WDR70: variants seen among roughly 807,000 people sequenced by gnomAD.
WDR70 encodes WD repeat domain 70, also known as WD repeat-containing protein 70.
A neutral mutation model predicts 88.6 loss-of-function variants in WDR70; 53 were observed. That is an observed-to-expected ratio of 0.60 (90% CI 0.48 to 0.75). The LOEUF (loss-of-function observed/expected upper bound fraction) is 0.75. WDR70 is among the 30% of genes least tolerant of loss of function. The pLI is 0.00. For missense variants in WDR70, 610 were observed against 823.2 expected (o/e 0.74, Z 3.17); for synonymous variants, 280 against 270.0 (o/e 1.04, Z -0.36).
At chr5:37,677,310 C>A (rs1170284136) in intron 10 of WDR70, among the ~76,000 whole-genome samples, 1 of 151,904 alleles carries the variant, frequency 6.6e-6, no homozygotes, top group Non-Finnish European at 1.5e-5. Context: ...TTTTCTAGTT[C>A]TTTTAATTGT....
chr5:37,540,811 A>C (rs1481352592), intron 9 of WDR70, among the ~76,000 whole-genome samples: 2 of 152,244 alleles, frequency 1.3e-5, no homozygotes, highest in Non-Finnish European at 2.9e-5. Context: ...CTTGCAGTAG[A>C]AATGTGTTTC....
chr5:37,513,265 A>C (rs1015841365), intron 8 of WDR70, among the ~76,000 whole-genome samples: 3 of 152,210 alleles, frequency 2.0e-5, no homozygotes, highest in African/African-American at 7.2e-5. Flanking sequence ...TACATAGAGG[A>C]CCAGGGAATA....
At chr5:37,559,559 T>C (rs543974772) in intron 9 of WDR70, among the ~76,000 whole-genome samples, 47 of 152,236 alleles carry the variant, frequency 3.1e-4, no homozygotes, top group African/African-American at 1.1e-3. Context: ...ATAAAGCTTT[T>C]TGAGGCCGGG....
intron 8 of WDR70, among the ~76,000 whole-genome samples, chr5:37,481,124 A>G (rs1474056384): frequency 6.6e-6 from 1 of 152,168 alleles, no homozygotes; most frequent in Non-Finnish European, 1.5e-5. Flanking sequence ...TTTGCAGGGT[A>G]CAGCCCCCCT....
chr5:37,651,929 T>A (rs1745420239), intron 10 of WDR70, among the ~76,000 whole-genome samples: 1 of 152,248 alleles, frequency 6.6e-6, no homozygotes, highest in Non-Finnish European at 1.5e-5. Context: ...TCTGATGATG[T>A]TTCTTTTGCT....
chr5:37,698,040 T>C, intron 11 of WDR70: 1 of 277,100 alleles, frequency 3.6e-6, no homozygotes, highest in South Asian at 5.1e-5. Flanking sequence ...TCCTTGCTTC[T>C]GCCTTGGGAA....
intron 10 of WDR70, among the ~76,000 whole-genome samples, chr5:37,665,899 C>A (rs2112583729): frequency 6.6e-6 from 1 of 152,328 alleles, no homozygotes; most frequent in South Asian, 2.1e-4. Context: ...GGCCCGCCAC[C>A]CTCTCCTCTG....
At chr5:37,714,456 A>G (rs1381092976) in intron 13 of WDR70, among the ~76,000 whole-genome samples, 5 of 152,286 alleles carry the variant, frequency 3.3e-5, no homozygotes, top group Admixed American at 2.6e-4. Context: ...GCCTTCTCAC[A>G]ACCTGGTCTC....
At chr5:37,670,749 A>G (rs913368040) in intron 10 of WDR70, among the ~76,000 whole-genome samples, 3 of 152,228 alleles carry the variant, frequency 2.0e-5, no homozygotes, top group African/African-American at 4.8e-5. Flanking sequence ...TTCATATAGT[A>G]TATTAATTTG....
intron 8 of WDR70, among the ~76,000 whole-genome samples, chr5:37,488,995 C>A (rs143903431): frequency 6.6e-6 from 1 of 152,150 alleles, no homozygotes; most frequent in East Asian, 1.9e-4. Context: ...TTAGGTAGGG[C>A]GCTTCAGCAT....
At chr5:37,459,135 C>T (rs1345786768) in intron 7 of WDR70, among the ~76,000 whole-genome samples, 7 of 62,596 alleles carry the variant, frequency 1.1e-4, no homozygotes, top group African/African-American at 3.4e-4. Context: ...AGTTGAGCGG[C>T]TTTGAGTGAG....
At chr5:37,614,850 A>G (rs1402648254) in intron 10 of WDR70, among the ~76,000 whole-genome samples, 4 of 152,208 alleles carry the variant, frequency 2.6e-5, no homozygotes, top group Non-Finnish European at 4.4e-5. Flanking sequence ...ACAGAAACTT[A>G]TACTAAACAG....
chr5:37,446,760 C>G (rs1209668791), intron 7 of WDR70, among the ~76,000 whole-genome samples: 2 of 152,126 alleles, frequency 1.3e-5, no homozygotes, highest in African/African-American at 4.8e-5. Context: ...AAACTGGATC[C>G]CTTCCTTATA....
At chr5:37,664,321 G>A (rs922431145) in intron 10 of WDR70, among the ~76,000 whole-genome samples, 2 of 152,196 alleles carry the variant, frequency 1.3e-5, no homozygotes, top group African/African-American at 4.8e-5. Flanking sequence ...GGCATATGAA[G>A]CCACTAATGG....
chr5:37,480,900 T>C (rs1484349946), intron 8 of WDR70, among the ~76,000 whole-genome samples: 1 of 152,244 alleles, frequency 6.6e-6, no homozygotes, highest in East Asian at 1.9e-4. Context: ...AGTTAGTTAC[T>C]TTCTAGATAA....
At chr5:37,560,809 A>ACT (rs1742480383) in intron 9 of WDR70, among the ~76,000 whole-genome samples, 1 of 130,982 alleles carries the variant, frequency 7.6e-6, no homozygotes, top group African/African-American at 2.9e-5. Flanking sequence ...GCAGAAGCAG[A>ACT]TTTTTTTTTT....
rs1193146062 is a variant in WDR70, at chr5:37,470,035, A to C, written c.687-9799A>C. On this transcript the variant is annotated intron_variant, in intron 7 of 17. Transcript: ENST00000265107. Reference sequence around the variant, plus strand: ...ACCTTTTATTGTATAAAATTGCCTCAGATTAATTTATACACATTGGCAATG... The same window carrying C: ...ACCTTTTATTGTATAAAATTGCCTCCGATTAATTTATACACATTGGCAATG... Among the ~76,000 whole-genome samples the C allele has an allele frequency of 2.6e-5, 4 of 152,142 alleles. No individual in the cohort carries two copies. The East Asian group carries it at 7.7e-4, about 29-fold the overall frequency.
chr5:37,626,975 C>T (rs961624622), intron 10 of WDR70, among the ~76,000 whole-genome samples: 7 of 151,912 alleles, frequency 4.6e-5, no homozygotes, highest in African/African-American at 9.7e-5. Flanking sequence ...TATCCTCTTC[C>T]GTTTATGATT....
chr5:37,605,964 A>G (rs940317998), intron 10 of WDR70, among the ~76,000 whole-genome samples: 3 of 152,190 alleles, frequency 2.0e-5, no homozygotes, highest in Non-Finnish European at 4.4e-5. Flanking sequence ...CATTTTGGAT[A>G]TCCTTATTTT....
Sources: gnomAD v4.1 joint callset for allele counts (sites outside exome capture counted in the v4.1 genomes callset) on GRCh38, gnomAD v4.1.1 for gene constraint, MANE v1.5 for transcripts, NCBI Gene and HGNC (gene_info 2026-07-23, HGNC 2026-07-21) for gene names.